The following SLC12A7 variants were observed in gnomAD, a reference collection of about 807,000 sequenced individuals.
The protein encoded by SLC12A7 is solute carrier family 12 member 7.
SLC12A7 carries 100 observed loss-of-function variants against 120.6 expected under a neutral mutation model. That is an observed-to-expected ratio of 0.83 (90% confidence interval 0.71 to 0.98). SLC12A7 has a LOEUF of 0.98. SLC12A7 is among the 50% of genes least tolerant of loss of function. The pLI is 0.00. For missense variants in SLC12A7, 1,373 were observed against 1,548.1 expected, an observed-to-expected ratio of 0.89 and a Z score of 1.90; for synonymous variants, 760 against 678.0, an observed-to-expected ratio of 1.12 and a Z score of -1.88.
At chr5:1,085,185 G>C (rs1739682167) in intron 7 of SLC12A7, 47 bp downstream of exon 7, 1 of 1,598,316 alleles carries the variant, frequency 6.3e-7, no homozygotes, top group Admixed American at 1.7e-5. Context: ...CATGGGACCT[G>C]GCCCCAGCCC....
chr5:1,136,612 CGT>C, the SLC12A7 span, among the ~76,000 whole-genome samples: 1 of 125,212 alleles, frequency 8.0e-6, no homozygotes, highest in Admixed American at 8.3e-5. Context: ...CGCAGACACA[CGT>C]GTGCTCAGAC....
At chr5:1,147,354 C>G in the SLC12A7 span, among the ~76,000 whole-genome samples, 1 of 151,252 alleles carries the variant, frequency 6.6e-6, no homozygotes, top group African/African-American at 2.4e-5. Flanking sequence ...GGTAAGACCC[C>G]AAATCCAGCC....
Position 1,111,870 on chromosome 5 carries a change from G to T in SLC12A7, c.122C>A (p.Pro41Gln). Residue 41 changes from proline to glutamine, a missense_variant and splice_region_variant, in exon 1 of 24, where the codon CCG (proline) becomes CAG (glutamine). By Grantham distance (76) the Pro-to-Gln change is moderately conservative (BLOSUM62 -1). Coordinates refer to ENST00000264930, the MANE Select transcript of SLC12A7 (RefSeq NM_006598.3). ...PEGPEPERPS[P>Q]GDGNPRENSP... ...CGGCCAGGTGCGGCCGCGCTCACCC[G>T]GGCTGGGGCGCTCGGGCTCGGGGCC... The T allele has an allele frequency of 8.2e-7, 1 of 1,216,912 alleles. No homozygotes were observed. Among genetic ancestry groups the T allele is most frequent in the South Asian group, 3.8e-5 (1 of 26,476 alleles). 75.4% of individuals were successfully genotyped at this position (1,216,912 alleles called of 1,614,324 possible).
chr5:1,117,020 C>T (rs967189908), upstream of SLC12A7, among the ~76,000 whole-genome samples: 2 of 152,182 alleles, frequency 1.3e-5, no homozygotes, highest in African/African-American at 4.8e-5. The surrounding 1 kb of genome is among the most constrained non-coding windows in gnomAD (Gnocchi z 4.5). Context: ...GAAGACGAGG[C>T]CAACCCTCAT....
chr5:1,099,544 C>A (rs947542658), intron 1 of SLC12A7, among the ~76,000 whole-genome samples: 5 of 151,786 alleles, frequency 3.3e-5, no homozygotes, highest in African/African-American at 1.2e-4. Flanking sequence ...ATCCCAGTTC[C>A]GGCCAGGACA....
At chr5:1,084,154 G>T (rs570779035) in intron 7 of SLC12A7, among the ~76,000 whole-genome samples, 198 bp from the exon 8 acceptor site, 1 of 148,420 alleles carries the variant, frequency 6.7e-6, no homozygotes, top group Admixed American at 6.6e-5. Flanking sequence ...AAGGGCCAGG[G>T]ATCACACTGG....
At position 1,050,748 on chromosome 5, in the gene SLC12A7, A is replaced by G. The variant is rs1303076379; in HGVS notation, c.*1612T>C. 2.5e-6 allele frequency: 1 copy of G among 397,682 alleles called. No individual in the cohort carries two copies. The highest frequency in any genetic ancestry group is 4.4e-6 in the Non-Finnish European group (1 of 225,818). The allele number at this position is 397,682 out of a possible 1,614,324, so 24.6% of individuals were successfully genotyped here. A position where few individuals can be genotyped will look rare whatever the true frequency, so the allele number is the denominator to read the frequency against. On this transcript the variant is annotated 3_prime_UTR_variant, in exon 24 of 24. Transcript: ENST00000264930. ...GGAGGAGCGTTTTGCTGCTTAACTC[A>G]TGCTTAGCCAAGGCAGGCAGAGGCT...
chr5:1,050,690 G>A lies in SLC12A7; in HGVS notation c.*1670C>T. 2.5e-6 allele frequency: 1 copy of A among 394,936 alleles called. No individual in the cohort carries two copies. The highest frequency in any genetic ancestry group is 3.6e-5 in the East Asian group (1 of 27,932). The allele number at this position is 394,936 out of a possible 1,614,324, so 24.5% of individuals were successfully genotyped here. Reference sequence around the variant, plus strand: ...CTAGCCTGCTCTCCTCCAGGTGCAGGGGACACAGGACCTGCCGGCCCCATC... The same window carrying A: ...CTAGCCTGCTCTCCTCCAGGTGCAGAGGACACAGGACCTGCCGGCCCCATC... On this transcript the variant is annotated 3_prime_UTR_variant, in exon 24 of 24. Coordinates refer to ENST00000264930, the MANE Select transcript of SLC12A7 (RefSeq NM_006598.3).
intron 3 of SLC12A7, among the ~76,000 whole-genome samples, chr5:1,089,753 G>C (rs1388989375): frequency 6.6e-6 from 1 of 152,198 alleles, no homozygotes; most frequent in African/African-American, 2.4e-5. Flanking sequence ...GCCAGAGAGG[G>C]GGACACACCC....
At chr5:1,119,006 G>A in the SLC12A7 span, among the ~76,000 whole-genome samples, 1 of 152,110 alleles carries the variant, frequency 6.6e-6, no homozygotes, top group African/African-American at 2.4e-5. Context: ...AGAGGGAGGG[G>A]CACAGACGAC....
At chr5:1,100,154 C>G (rs1002625678) in intron 1 of SLC12A7, among the ~76,000 whole-genome samples, 1 of 152,136 alleles carries the variant, frequency 6.6e-6, no homozygotes, top group Non-Finnish European at 1.5e-5. Flanking sequence ...GAGACTCAGG[C>G]GGGTGTCTGC....
At chr5:1,144,844 A>G in the SLC12A7 span, among the ~76,000 whole-genome samples, 5 of 152,364 alleles carry the variant, frequency 3.3e-5, no homozygotes, top group East Asian at 1.9e-4. Context: ...CCGGCTGCGC[A>G]TGCACAGGCC....
At chr5:1,079,540 G>C in intron 9 of SLC12A7, 44 bp from the exon 10 acceptor site, 1 of 1,503,954 alleles carries the variant, frequency 6.6e-7, no homozygotes, top group Non-Finnish European at 9.2e-7. Flanking sequence ...TGAGGAGTCA[G>C]TGCCATGTGA....
At chr5:1,087,150 T>G in intron 5 of SLC12A7, 117 bp from the exon 6 acceptor site, 1 of 1,338,642 alleles carries the variant, frequency 7.5e-7, no homozygotes, top group Non-Finnish European at 1.0e-6. Context: ...AGGCAGCGTG[T>G]AGACCCTCGT....
chr5:1,073,637 T>TC lies in SLC12A7; in HGVS notation c.2236dup (p.Glu746GlyfsTer170). On this transcript the variant is annotated frameshift_variant, in exon 17 of 24. Transcript: ENST00000264930. LOFTEE classifies it high-confidence loss of function. ...CCCAGACCCCGCCCGGCCCACCTCCTCGGCCCGCTGAGCCTCCATGTGCTT... is the reference window on the plus strand; with the variant it reads ...CCCAGACCCCGCCCGGCCCACCTCCTCCGGCCCGCTGAGCCTCCATGTGCTT... 6.2e-7 allele frequency: 1 copy of TC among 1,601,858 alleles called. No individual in the cohort carries two copies. Among genetic ancestry groups the TC allele is most frequent in the Non-Finnish European group, 8.5e-7 (1 of 1,175,112 alleles).
chr5:1,074,550 G>A lies in SLC12A7; in HGVS notation c.2072+17C>T, dbSNP rs1231235948. 2 of 1,604,264 alleles carry A rather than the reference G, an allele frequency of 1.2e-6. No homozygotes were observed. Among genetic ancestry groups the A allele is most frequent in the Middle Eastern group, 3.3e-4 (2 of 6,024 alleles). ...CTTCTGTGCGTCTGAGGACCACGGG[G>A]CATGGGCGGTGCTCACCTCCAGTTC... On this transcript the variant is annotated intron_variant, in intron 16 of 23. Coordinates refer to ENST00000264930, the MANE Select transcript of SLC12A7 (RefSeq NM_006598.3).
chr5:1,098,099 CT>C (rs1452938318), intron 1 of SLC12A7, among the ~76,000 whole-genome samples: 1 of 146,042 alleles, frequency 6.8e-6, no homozygotes, highest in Non-Finnish European at 1.5e-5. Flanking sequence ...CTCCAACCCT[CT>C]GCACACCCAG....
rs1385873512 is a variant in SLC12A7, at chr5:1,108,988, C to T, written c.124+2880G>A. 6.6e-5 allele frequency among the ~76,000 whole-genome samples: 10 copies of T among 152,298 alleles called. No individual in the cohort carries two copies. In the East Asian group the frequency reaches 1.9e-3, roughly 29 times the overall value. On this transcript the variant is annotated intron_variant, in intron 1 of 23. Transcript: ENST00000264930. The stretch of plus-strand genomic sequence containing the variant: ...AAACGGAACCCAAAGAGGGAAGTGG[C>T]GCCCAAGCCAGGAAGAAGCTCCCGG...
intron 23 of SLC12A7, among the ~76,000 whole-genome samples, chr5:1,053,126 C>G (rs556494075): frequency 6.6e-6 from 1 of 152,174 alleles, no homozygotes; most frequent in African/African-American, 2.4e-5. Context: ...GTACTGTAGG[C>G]GGGCCCTCCC....
Sources: gnomAD v4.1 joint callset for allele counts (sites outside exome capture counted in the v4.1 genomes callset) on GRCh38, gnomAD v4.1.1 for gene constraint, Gnocchi (gnomAD v3.1) non-coding constraint, MANE v1.5 for transcripts, NCBI Gene and HGNC (gene_info 2026-07-23, HGNC 2026-07-21) for gene names.